The following ARHGAP6 variants were observed in gnomAD, a reference collection of about 807,000 sequenced individuals.
ARHGAP6 encodes the protein Rho GTPase activating protein 6.
In ARHGAP6, 16 loss-of-function variants were observed where a neutral mutation model predicts 55.7. The observed-to-expected ratio is 0.29, with a 90% CI of 0.19 to 0.44. ARHGAP6 has a LOEUF of 0.44. Among genes scored for constraint, ARHGAP6 ranks in the 20% least tolerant of loss-of-function variants. The probability of loss-of-function intolerance (pLI) is 1.00; values close to 1 mark genes in which losing one functional copy is unlikely to be tolerated. For missense variants in ARHGAP6, 698 were observed against 808.9 expected (o/e 0.86, Z 1.66); for synonymous variants, 382 against 360.9 (o/e 1.06, Z -0.66).
intron 1 of ARHGAP6, among the ~76,000 whole-genome samples, chrX:11,544,313 A>G (rs1465010090): frequency 1.8e-5 from 2 of 112,687 alleles, no homozygotes; most frequent in Non-Finnish European, 3.7e-5. Flanking sequence ...AGAATGCAAC[A>G]TGTTTGAAAG....
At chrX:11,496,947 G>A (rs1247936702) in intron 1 of ARHGAP6, among the ~76,000 whole-genome samples, 1 of 111,997 alleles carries the variant, frequency 8.9e-6, no homozygotes, top group African/African-American at 3.2e-5. Context: ...TCACACATCA[G>A]CCCTACAAGT....
chrX:11,581,861 A>C (rs1463247351), intron 1 of ARHGAP6, among the ~76,000 whole-genome samples: 2 of 110,928 alleles, frequency 1.8e-5, no homozygotes, highest in African/African-American at 3.3e-5. Context: ...ATGGGTGCAC[A>C]TATCTGTGAC....
At chrX:11,243,802 G>A (rs1170420657) in intron 2 of ARHGAP6, among the ~76,000 whole-genome samples, 1 of 111,791 alleles carries the variant, frequency 8.9e-6, no homozygotes, top group Non-Finnish European at 1.9e-5. Flanking sequence ...TCTATGTTTA[G>A]ATACATAGAT....
chrX:11,627,343 T>C (rs1482767315), intron 1 of ARHGAP6, among the ~76,000 whole-genome samples: 1 of 111,209 alleles, frequency 9.0e-6, no homozygotes, highest in Non-Finnish European at 1.9e-5. Context: ...TGTTGAAGAA[T>C]AGCCAAGAAA....
At chrX:11,520,131 TTATATATATATATA>T (rs1160731443) in intron 1 of ARHGAP6, among the ~76,000 whole-genome samples, 932 of 18,252 alleles carry the variant, frequency 0.051, 44 homozygotes, top group East Asian at 0.19. Context: ...AGAATTGATT[TTATATATATATATA>T]TATATATATA....
chrX:11,225,160 G>C (rs2047029144), intron 2 of ARHGAP6, among the ~76,000 whole-genome samples: 1 of 110,695 alleles, frequency 9.0e-6, no homozygotes, highest in Non-Finnish European at 1.9e-5. Context: ...GCAGCCATTG[G>C]GAATGACAAA....
intron 1 of ARHGAP6, among the ~76,000 whole-genome samples, chrX:11,632,939 C>T (rs1487123253): frequency 8.9e-6 from 1 of 111,893 alleles, no homozygotes; most frequent in East Asian, 2.8e-4. Context: ...GCCTGAGACA[C>T]TTAGCCATTG....
chrX:11,179,599 A>G, intron 6 of ARHGAP6, 147 bp from the exon 7 acceptor site: 1 of 605,000 alleles, frequency 1.7e-6, no homozygotes, highest in East Asian at 3.7e-5. Context: ...CCTCACCTTG[A>G]TCTGCCGAGT....
chrX:11,490,154 G>A (rs1429832800), intron 1 of ARHGAP6, among the ~76,000 whole-genome samples: 1 of 111,255 alleles, frequency 9.0e-6, no homozygotes, highest in Non-Finnish European at 1.9e-5. Context: ...TGTACCAACC[G>A]AATACAGCAA....
In ARHGAP6 at chrX:11,230,414, T is replaced by A. The variant is rs146767103; in HGVS notation, c.748+24134A>T. ...GGTTTCAGCATGTTGGCCAGGATGG[T>A]CTCAATCTCTTGACCTCGTGATCTG... On this transcript the variant is annotated intron_variant, in intron 2 of 12. Transcript: ENST00000337414. 1.9e-3 allele frequency among the ~76,000 whole-genome samples: 214 copies of A among 111,198 alleles called. 3 individuals are homozygous for A. Among genetic ancestry groups the A allele is most frequent in the East Asian group, 0.018 (64 of 3,540 alleles).
intron 1 of ARHGAP6, among the ~76,000 whole-genome samples, chrX:11,352,770 G>C (rs759191348): frequency 7.2e-5 from 8 of 111,523 alleles, no homozygotes; most frequent in African/African-American, 2.6e-4. Context: ...AATGAGGTAA[G>C]AGCAGGTTTC....
chrX:11,410,275 T>A (rs751677364), intron 1 of ARHGAP6, among the ~76,000 whole-genome samples: 1 of 112,398 alleles, frequency 8.9e-6, no homozygotes, highest in African/African-American at 3.2e-5. Context: ...TTCCATATGA[T>A]GAAATATTAT....
intron 1 of ARHGAP6, among the ~76,000 whole-genome samples, chrX:11,589,287 C>A (rs867571351): frequency 9.2e-5 from 10 of 109,116 alleles, no homozygotes; most frequent in African/African-American, 1.3e-4. Context: ...AGTAATCCTC[C>A]CGCCTCGGCC....
chrX:11,429,223 T>G (rs2049919324), intron 1 of ARHGAP6, among the ~76,000 whole-genome samples: 1 of 112,928 alleles, frequency 8.9e-6, no homozygotes, highest in African/African-American at 3.2e-5. Flanking sequence ...GTGTACATAC[T>G]GTAAGATTTC....
At chrX:11,521,326 G>C (rs775713294) in intron 1 of ARHGAP6, among the ~76,000 whole-genome samples, 96 of 111,946 alleles carry the variant, frequency 8.6e-4, no homozygotes, top group Non-Finnish European at 1.7e-3. Context: ...ATCTTGAATT[G>C]ATTTTTTATA....
chrX:11,560,448 CAGA>C (rs991409892), intron 1 of ARHGAP6, among the ~76,000 whole-genome samples: 1 of 111,973 alleles, frequency 8.9e-6, no homozygotes, highest in African/African-American at 3.2e-5. Context: ...TCTAGAACCC[CAGA>C]AGGAGGGAAA....
chrX:11,520,045 C>A (rs1476446291), intron 1 of ARHGAP6, among the ~76,000 whole-genome samples: 2 of 91,519 alleles, frequency 2.2e-5, no homozygotes, highest in African/African-American at 8.2e-5. Flanking sequence ...TCAGAGTGAA[C>A]AGGCAACCTA....
intron 1 of ARHGAP6, among the ~76,000 whole-genome samples, chrX:11,554,388 G>A (rs764827982): frequency 7.2e-5 from 8 of 111,585 alleles, no homozygotes; most frequent in East Asian, 2.8e-4. Flanking sequence ...AGCAGAGTAC[G>A]GTGACCATAG....
At chrX:11,315,295 C>A (rs934746847) in intron 1 of ARHGAP6, among the ~76,000 whole-genome samples, 5 of 112,295 alleles carry the variant, frequency 4.5e-5, no homozygotes, top group African/African-American at 9.7e-5. Context: ...TTCAGATAAT[C>A]AGGCATTAGT....
Sources: allele counts gnomAD v4.1 joint callset (sites outside exome capture counted in the v4.1 genomes callset), GRCh38; gene constraint gnomAD v4.1.1; transcripts MANE v1.5; gene names NCBI Gene and HGNC (gene_info 2026-07-23, HGNC 2026-07-21).